HS3ST3A1: variants seen among roughly 807,000 people sequenced by gnomAD.
HS3ST3A1 encodes the protein heparan sulfate-glucosamine 3-sulfotransferase 3A1.
Under a neutral mutation model 25.7 loss-of-function variants are expected in HS3ST3A1, and 19 were observed. The ratio of observed to expected loss-of-function variants is 0.74; its 90% confidence interval spans 0.52 to 1.08. HS3ST3A1 has a LOEUF of 1.08. Among genes scored for constraint, HS3ST3A1 ranks in the 50% least tolerant of loss-of-function variants. The pLI is 0.00. For synonymous variants in HS3ST3A1, 226 were observed against 278.6 expected (o/e 0.81, Z 1.88); for missense variants, 459 against 594.3 (o/e 0.77, Z 2.37).
At chr17:13,514,638 C>T (rs1023604973) in intron 1 of HS3ST3A1, among the ~76,000 whole-genome samples, 6 of 152,120 alleles carry the variant, frequency 3.9e-5, no homozygotes, top group Non-Finnish European at 8.8e-5. Context: ...AATCCCAGCA[C>T]TTTGAGAGGA....
intron 1 of HS3ST3A1, among the ~76,000 whole-genome samples, chr17:13,567,210 GC>G (rs1315939702): frequency 3.3e-5 from 5 of 152,080 alleles, no homozygotes; most frequent in African/African-American, 1.2e-4. Flanking sequence ...GAACAACAAA[GC>G]CTGGATGACA....
At chr17:13,572,011 G>A (rs1429818220) in intron 1 of HS3ST3A1, among the ~76,000 whole-genome samples, 1 of 151,938 alleles carries the variant, frequency 6.6e-6, no homozygotes, top group African/African-American at 2.4e-5. Flanking sequence ...CACCCACCTC[G>A]GCCTCTCAAA....
intron 1 of HS3ST3A1, among the ~76,000 whole-genome samples, chr17:13,516,130 G>A (rs978975421): frequency 3.9e-5 from 6 of 152,066 alleles, no homozygotes; most frequent in African/African-American, 1.2e-4. Flanking sequence ...CCAACATGGA[G>A]AAAGCCCGTT....
At chr17:13,541,547 G>A (rs539956174) in intron 1 of HS3ST3A1, among the ~76,000 whole-genome samples, 1 of 152,256 alleles carries the variant, frequency 6.6e-6, no homozygotes, top group East Asian at 1.9e-4. Context: ...AGAGCCCTAA[G>A]TCCAGTTTCT....
intron 1 of HS3ST3A1, among the ~76,000 whole-genome samples, chr17:13,558,063 A>G (rs1907429353): frequency 6.6e-6 from 1 of 152,214 alleles, no homozygotes; most frequent in Non-Finnish European, 1.5e-5. Flanking sequence ...GAAAATATGT[A>G]TGACTCAGGA....
At chr17:13,515,023 A>G (rs939968892) in intron 1 of HS3ST3A1, among the ~76,000 whole-genome samples, 6 of 152,238 alleles carry the variant, frequency 3.9e-5, no homozygotes, top group Non-Finnish European at 5.9e-5. Context: ...TGAAATGCCA[A>G]TTCAAATGGA....
rs142930405 is a variant in HS3ST3A1, at chr17:13,564,883, G to A, written c.599+35648C>T. 5.4e-3 allele frequency among the ~76,000 whole-genome samples: 824 copies of A among 151,906 alleles called. 9 individuals carry two copies. Among genetic ancestry groups the A allele is most frequent in the African/African-American group, 0.019 (774 of 41,438 alleles). On this transcript the variant is annotated intron_variant, in intron 1 of 1. Transcript: ENST00000284110. ...GGATTACAGGTGCATGCCACCACCC[G>A]GCTAATTTTTGTATTTTTAGTAGAG...
chr17:13,600,425 G>C, intron 1 of HS3ST3A1, 106 bp downstream of exon 1: 1 of 1,413,636 alleles, frequency 7.1e-7, no homozygotes, highest in East Asian at 2.8e-5. Context: ...CCTTCTGCAT[G>C]AAGTGGGGAG....
chr17:13,577,490 C>T (rs1169000334), intron 1 of HS3ST3A1, among the ~76,000 whole-genome samples: 1 of 152,132 alleles, frequency 6.6e-6, no homozygotes, highest in Admixed American at 6.5e-5. Context: ...CTAACTTCTC[C>T]CTCCCGGGAC....
intron 1 of HS3ST3A1, among the ~76,000 whole-genome samples, chr17:13,562,439 A>G (rs554570885): frequency 3.9e-5 from 6 of 152,230 alleles, no homozygotes; most frequent in African/African-American, 1.4e-4. Context: ...GGGGGAAAGT[A>G]ACCCTATCCA....
intron 1 of HS3ST3A1, among the ~76,000 whole-genome samples, chr17:13,585,783 T>C (rs554885457): frequency 6.6e-6 from 1 of 151,120 alleles, no homozygotes; most frequent in Non-Finnish European, 1.5e-5. Flanking sequence ...CTTTCCACTT[T>C]ACGTGTATGA....
chr17:13,524,725 A>C (rs960723064), intron 1 of HS3ST3A1, among the ~76,000 whole-genome samples: 1 of 152,224 alleles, frequency 6.6e-6, no homozygotes, highest in Admixed American at 6.5e-5. Flanking sequence ...TAGTTATAGA[A>C]GGTGATAACA....
At chr17:13,585,870 G>GAT (rs1908249965) in intron 1 of HS3ST3A1, among the ~76,000 whole-genome samples, 1 of 71,048 alleles carries the variant, frequency 1.4e-5, no homozygotes. Context: ...TTTTTTTTCT[G>GAT]ACAGAGTCTC....
chr17:13,526,607 G>A (rs1906438361), intron 1 of HS3ST3A1, among the ~76,000 whole-genome samples: 1 of 148,414 alleles, frequency 6.7e-6, no homozygotes, highest in African/African-American at 2.5e-5. Flanking sequence ...TCAGAGTAAA[G>A]TTAAAGCCAC....
intron 1 of HS3ST3A1, among the ~76,000 whole-genome samples, chr17:13,598,945 C>T (rs1045460214): frequency 5.9e-5 from 9 of 152,186 alleles, no homozygotes; most frequent in African/African-American, 2.2e-4. Context: ...ATGTTTCAGA[C>T]AGTCAGCTTG....
At chr17:13,565,263 C>A (rs149481723) in intron 1 of HS3ST3A1, among the ~76,000 whole-genome samples, 3 of 152,196 alleles carry the variant, frequency 2.0e-5, no homozygotes, top group Middle Eastern at 3.4e-3. Context: ...TGAGGCCAGG[C>A]GCAGTTGCCC....
intron 1 of HS3ST3A1, among the ~76,000 whole-genome samples, chr17:13,515,471 G>GTTTTTTT (rs33924561): frequency 2.0e-4 from 22 of 107,742 alleles, no homozygotes; most frequent in East Asian, 5.5e-4. Context: ...GTTTGTTTCA[G>GTTTTTTT]TTTTTTTTTT....
intron 1 of HS3ST3A1, among the ~76,000 whole-genome samples, chr17:13,512,132 T>C (rs929258216): frequency 3.3e-5 from 5 of 151,964 alleles, no homozygotes; most frequent in African/African-American, 4.8e-5. Context: ...ACCCCGTCTC[T>C]ACTAAAAATA....
At chr17:13,496,913 AG>A in intron 1 of HS3ST3A1, 95 bp from the exon 2 acceptor site, 1 of 1,506,048 alleles carries the variant, frequency 6.6e-7, no homozygotes, top group East Asian at 2.3e-5. Flanking sequence ...CCGCAATTCC[AG>A]CCCCCGCAAC....
Sources: allele counts gnomAD v4.1 joint callset (sites outside exome capture counted in the v4.1 genomes callset), GRCh38; gene constraint gnomAD v4.1.1; transcripts MANE v1.5; gene names NCBI Gene and HGNC (gene_info 2026-07-23, HGNC 2026-07-21).